PLCL2: variants seen among roughly 807,000 people sequenced by gnomAD.
The protein encoded by PLCL2 is inactive phospholipase C-like protein 2.
Under a neutral mutation model 79.6 loss-of-function variants are expected in PLCL2, and 4 were observed. The ratio of observed to expected loss-of-function variants is 0.05; its 90% CI spans 0.02 to 0.11. PLCL2 has a LOEUF of 0.11. Ranked by LOEUF, PLCL2 falls within the 10% of genes least tolerant of loss-of-function variation. The pLI, the probability that PLCL2 is intolerant of heterozygous loss-of-function variation, is 1.00. For missense variants in PLCL2, 895 were observed against 1,291.0 expected, an observed-to-expected ratio of 0.69 and a Z score of 4.70; for synonymous variants, 484 against 457.7, an observed-to-expected ratio of 1.06 and a Z score of -0.73.
At chr3:16,945,977 C>G (rs559319012) in intron 1 of PLCL2, among the ~76,000 whole-genome samples, 1 of 152,166 alleles carries the variant, frequency 6.6e-6, no homozygotes, top group Non-Finnish European at 1.5e-5. Flanking sequence ...ACCATCACAT[C>G]GGATCCCTTT....
chr3:16,949,136 G>A (rs1466521100), intron 1 of PLCL2, among the ~76,000 whole-genome samples: 1 of 152,162 alleles, frequency 6.6e-6, no homozygotes, highest in Non-Finnish European at 1.5e-5. Context: ...TGGTTCAGCA[G>A]TAGAATCCTA....
chr3:16,963,855 A>G (rs1397366216), intron 1 of PLCL2, among the ~76,000 whole-genome samples: 1 of 151,950 alleles, frequency 6.6e-6, no homozygotes, highest in Admixed American at 6.6e-5. Context: ...AAATGCTGGA[A>G]CTCCAAAGCC....
chr3:17,085,508 T>A (rs1425866408), intron 5 of PLCL2, among the ~76,000 whole-genome samples: 1 of 151,648 alleles, frequency 6.6e-6, no homozygotes, highest in Non-Finnish European at 1.5e-5. Context: ...TGGAGTGCAG[T>A]GGTGTGATCT....
At position 17,047,242 on chromosome 3, in the gene PLCL2, T is replaced by C. The variant is rs138396293; in HGVS notation, c.3094+4293T>C. Reference sequence around the variant, plus strand: ...CAGGAACTGAGGATGTTCCCAAAGATGTGATCCCACACCCACAAGGCCTGG... The same window carrying C: ...CAGGAACTGAGGATGTTCCCAAAGACGTGATCCCACACCCACAAGGCCTGG... On this transcript the variant is annotated intron_variant, in intron 4 of 5. Coordinates refer to ENST00000615277, the MANE Select transcript of PLCL2 (RefSeq NM_001144382.2). Among the ~76,000 whole-genome samples, 319 of 152,312 alleles carry C rather than the reference T, an allele frequency of 2.1e-3. 2 individuals carry two copies. The highest frequency in any genetic ancestry group is 3.4e-3 in the Middle Eastern group (1 of 294).
At chr3:17,075,545 T>TTAA (rs759696661) in intron 5 of PLCL2, among the ~76,000 whole-genome samples, 2 of 129,766 alleles carry the variant, frequency 1.5e-5, no homozygotes, top group African/African-American at 5.7e-5. Context: ...CTTCAATGTG[T>TTAA]AAAAAAAAAA....
chr3:17,085,334 G>T (rs1312970092), intron 5 of PLCL2, among the ~76,000 whole-genome samples: 1 of 151,952 alleles, frequency 6.6e-6, no homozygotes, highest in Non-Finnish European at 1.5e-5. Context: ...ATGGGGTTTC[G>T]CCAGGTTGCC....
chr3:16,907,863 G>A (rs1696786658), intron 1 of PLCL2, among the ~76,000 whole-genome samples: 1 of 152,056 alleles, frequency 6.6e-6, no homozygotes, highest in African/African-American at 2.4e-5. Context: ...ATGACTGCAC[G>A]AAAGAAATAA....
chr3:17,041,904 A>G (rs2064725697), intron 3 of PLCL2, among the ~76,000 whole-genome samples: 1 of 152,198 alleles, frequency 6.6e-6, no homozygotes, highest in South Asian at 2.1e-4. Context: ...TGATTGCACC[A>G]CTGCACTCCA....
At chr3:17,024,846 G>A (rs1202333783) in intron 3 of PLCL2, among the ~76,000 whole-genome samples, 1 of 152,174 alleles carries the variant, frequency 6.6e-6, no homozygotes, top group Admixed American at 6.5e-5. Flanking sequence ...CCTTCAATCT[G>A]TGCTGTGGGC....
At chr3:16,901,684 T>G (rs976749163) in intron 1 of PLCL2, among the ~76,000 whole-genome samples, 1 of 152,198 alleles carries the variant, frequency 6.6e-6, no homozygotes, top group Non-Finnish European at 1.5e-5. Context: ...CTTCTCTGTC[T>G]GTGCCGTGTT....
intron 5 of PLCL2, chr3:17,081,653 G>A (rs148113214): frequency 7.6e-4 from 125 of 164,766 alleles, no homozygotes; most frequent in Middle Eastern, 2.8e-3. Context: ...GTGATTAGCC[G>A]AGGGTTGAGC....
chr3:17,070,136 C>T (rs186021033), intron 5 of PLCL2, among the ~76,000 whole-genome samples: 9 of 152,214 alleles, frequency 5.9e-5, no homozygotes, highest in Non-Finnish European at 1.2e-4. Context: ...ATGTGTGGTC[C>T]GGGAACCAGC....
chr3:16,918,616 G>A (rs868835137), intron 1 of PLCL2, among the ~76,000 whole-genome samples: 14 of 152,126 alleles, frequency 9.2e-5, no homozygotes, highest in Non-Finnish European at 2.1e-4. Flanking sequence ...TACCGTAATA[G>A]TTAAGGTGAT....
chr3:17,059,502 A>G (rs2124936011), intron 4 of PLCL2, among the ~76,000 whole-genome samples: 1 of 151,538 alleles, frequency 6.6e-6, no homozygotes, highest in South Asian at 2.1e-4. Flanking sequence ...ATATGTGTGT[A>G]TATATACACA....
chr3:17,063,810 C>T (rs529536372), intron 4 of PLCL2, among the ~76,000 whole-genome samples: 39 of 152,336 alleles, frequency 2.6e-4, no homozygotes, highest in African/African-American at 9.1e-4. Flanking sequence ...ATGCTCCTTT[C>T]GCATCCCCAT....
At chr3:16,950,004 G>T (rs1346998365) in intron 1 of PLCL2, among the ~76,000 whole-genome samples, 1 of 152,072 alleles carries the variant, frequency 6.6e-6, no homozygotes, top group Non-Finnish European at 1.5e-5. Flanking sequence ...CTATTAATCT[G>T]GTCATCTATT....
chr3:17,064,928 CAAA>C (rs1395020243), intron 4 of PLCL2, among the ~76,000 whole-genome samples: 5 of 57,192 alleles, frequency 8.7e-5, no homozygotes, highest in Admixed American at 3.4e-4. Flanking sequence ...GACTCTGTCT[CAAA>C]AAAAAAAAAA....
chr3:16,971,490 C>G (rs1177551776), intron 1 of PLCL2, among the ~76,000 whole-genome samples: 1 of 152,106 alleles, frequency 6.6e-6, no homozygotes, highest in Non-Finnish European at 1.5e-5. Flanking sequence ...CGTGATGCCT[C>G]CAGCTTTGTT....
intron 4 of PLCL2, among the ~76,000 whole-genome samples, chr3:17,058,233 G>A (rs554811464): frequency 1.3e-5 from 2 of 152,290 alleles, no homozygotes; most frequent in Non-Finnish European, 2.9e-5. Context: ...CAGCAGCAGT[G>A]AGCAACATGG....
Sources: allele counts gnomAD v4.1 joint callset (sites outside exome capture counted in the v4.1 genomes callset), GRCh38; gene constraint gnomAD v4.1.1; transcripts MANE v1.5; gene names NCBI Gene and HGNC (gene_info 2026-07-23, HGNC 2026-07-21).